Variants in TUNAR observed in about 807,000 individuals in gnomAD.
TUNAR encodes the protein protein TUNAR.
At chr14:95,891,572 G>A (rs543844382) in intron 2 of TUNAR, among the ~76,000 whole-genome samples, 5 of 152,324 alleles carry the variant, frequency 3.3e-5, no homozygotes, top group Non-Finnish European at 7.4e-5. Context: ...CCTGAGAGAT[G>A]GTGCAGGAAT....
chr14:95,915,671 G>C (rs1224150003), intron 2 of TUNAR, among the ~76,000 whole-genome samples: 2 of 152,250 alleles, frequency 1.3e-5, no homozygotes. Flanking sequence ...CCCCCTGCAG[G>C]GCTCTCCCTA....
chr14:95,886,361 G>A (rs1015386958), intron 2 of TUNAR, among the ~76,000 whole-genome samples: 6 of 152,214 alleles, frequency 3.9e-5, no homozygotes, highest in African/African-American at 1.4e-4. Flanking sequence ...CTGGACAAAG[G>A]GAACATGAAG....
chr14:95,916,160 G>A (rs1889601983), intron 2 of TUNAR, among the ~76,000 whole-genome samples: 1 of 152,212 alleles, frequency 6.6e-6, no homozygotes, highest in Admixed American at 6.5e-5. Context: ...TAAAGAGCAA[G>A]CGCTCATGTA....
chr14:95,902,818 TG>T (rs1339491100), intron 2 of TUNAR, among the ~76,000 whole-genome samples: 1 of 152,190 alleles, frequency 6.6e-6, no homozygotes, highest in Non-Finnish European at 1.5e-5. Context: ...TGCATTTCCC[TG>T]CATCGTTTCA....
chr14:95,885,816 T>C (rs1033294418), intron 2 of TUNAR, among the ~76,000 whole-genome samples: 3 of 152,144 alleles, frequency 2.0e-5, no homozygotes, highest in African/African-American at 7.2e-5. Flanking sequence ...TATAGGATAG[T>C]GAAGATGTGT....
At chr14:95,886,030 G>A (rs1889070642) in intron 2 of TUNAR, among the ~76,000 whole-genome samples, 1 of 152,216 alleles carries the variant, frequency 6.6e-6, no homozygotes, top group Admixed American at 6.5e-5. Context: ...AGCAATTGCT[G>A]CCCAGCCATC....
At chr14:95,899,514 C>T (rs992848629) in intron 2 of TUNAR, among the ~76,000 whole-genome samples, 2 of 152,252 alleles carry the variant, frequency 1.3e-5, no homozygotes, top group African/African-American at 2.4e-5. Context: ...TGCCTGTCTT[C>T]ATCCATTTGG....
intron 2 of TUNAR, among the ~76,000 whole-genome samples, chr14:95,880,652 A>C (rs892871940): frequency 1.3e-4 from 20 of 152,198 alleles, no homozygotes; most frequent in African/African-American, 4.8e-4. Context: ...GTAATTTGAA[A>C]ATGGAGAGTA....
At chr14:95,920,737 G>A (rs776531035) in intron 2 of TUNAR, among the ~76,000 whole-genome samples, 1 of 152,130 alleles carries the variant, frequency 6.6e-6, no homozygotes, top group Non-Finnish European at 1.5e-5. Context: ...GCATGCAGAC[G>A]TTTCATTTCC....
chr14:95,910,844 C>T (rs1889500882), intron 2 of TUNAR, among the ~76,000 whole-genome samples: 1 of 152,346 alleles, frequency 6.6e-6, no homozygotes, highest in South Asian at 2.1e-4. Flanking sequence ...CAGAGGCTCC[C>T]AGCTCATTTC....
rs76868050 is a variant in TUNAR at position 95,904,822 on chromosome 14, T to G, written c.13-17959T>G. Among the ~76,000 whole-genome samples the G allele has an allele frequency of 9.8e-5, 15 of 152,324 alleles. No individual in the cohort carries two copies. In the East Asian group the frequency reaches 2.9e-3, roughly 29 times the overall value. On this transcript the variant is annotated intron_variant, in intron 2 of 2. Coordinates refer to ENST00000678517, the Ensembl canonical transcript of TUNAR. ...CTGGGTACCCCGCAGTGCCTGAGTT[T>G]ATATCCTCTTCCCCTCAGGACGCTA...
chr14:95,900,809 G>A (rs1889341146), intron 2 of TUNAR, among the ~76,000 whole-genome samples: 1 of 152,200 alleles, frequency 6.6e-6, no homozygotes, highest in Non-Finnish European at 1.5e-5. Context: ...GACAAAAGGG[G>A]AGAAGCAGAT....
intron 2 of TUNAR, among the ~76,000 whole-genome samples, chr14:95,916,161 C>T (rs573314022): frequency 6.6e-6 from 1 of 152,280 alleles, no homozygotes; most frequent in East Asian, 1.9e-4. Context: ...AAAGAGCAAG[C>T]GCTCATGTAC....
intron 2 of TUNAR, among the ~76,000 whole-genome samples, chr14:95,883,377 G>A (rs532799116): frequency 5.8e-4 from 89 of 152,268 alleles, no homozygotes; most frequent in East Asian, 9.7e-4. Context: ...CTCTGGTCCC[G>A]TCTGGTTACT....
chr14:95,905,924 A>C (rs936666715), intron 2 of TUNAR, among the ~76,000 whole-genome samples: 7 of 152,140 alleles, frequency 4.6e-5, no homozygotes, highest in Admixed American at 6.5e-5. Context: ...CATTTCTTTT[A>C]TCCTGTGATT....
rs191911791 is a variant in TUNAR, at chr14:95,885,639, G to A, written c.12+8462G>A. ...AGTCAGGCTGAGGCTGCAAGGCAGGGACAAGGCTGGGTCACTCCTGCTTAG... is the reference window on the plus strand; with the variant it reads ...AGTCAGGCTGAGGCTGCAAGGCAGGAACAAGGCTGGGTCACTCCTGCTTAG... On this transcript the variant is annotated intron_variant, in intron 2 of 2. Transcript: ENST00000678517. 1.6e-3 allele frequency among the ~76,000 whole-genome samples: 247 copies of A among 152,296 alleles called. 2 individuals are homozygous for A. The highest frequency in any genetic ancestry group is 6.8e-3 in the Middle Eastern group (2 of 294).
intron 2 of TUNAR, among the ~76,000 whole-genome samples, chr14:95,891,559 G>A (rs1188221978): frequency 1.3e-5 from 2 of 152,220 alleles, no homozygotes; most frequent in East Asian, 3.8e-4. Flanking sequence ...GGGCCACACG[G>A]CTCCTGAGAG....
intron 2 of TUNAR, among the ~76,000 whole-genome samples, chr14:95,909,771 C>T (rs1889484275): frequency 6.6e-6 from 1 of 152,190 alleles, no homozygotes; most frequent in African/African-American, 2.4e-5. Flanking sequence ...CAGGCCTGTC[C>T]TTCCAAAGGA....
chr14:95,891,259 C>T (rs877525), intron 2 of TUNAR, among the ~76,000 whole-genome samples: 34,265 of 152,062 alleles, frequency 0.23, 3,998 homozygotes, highest in Middle Eastern at 0.29. Context: ...TTCCCTGGAG[C>T]TTGAGAGGAA....
Sources: gnomAD v4.1 joint callset for allele counts (sites outside exome capture counted in the v4.1 genomes callset) on GRCh38, gnomAD v4.1.1 for gene constraint, MANE v1.5 for transcripts, NCBI Gene and HGNC (gene_info 2026-07-23, HGNC 2026-07-21) for gene names.